PCDH9: variants seen among roughly 807,000 people sequenced by gnomAD.
PCDH9 encodes the protein protocadherin-9.
A neutral mutation model predicts 70.6 loss-of-function variants in PCDH9; 24 were observed. The ratio of observed to expected loss-of-function variants is 0.34; its 90% confidence interval spans 0.25 to 0.48. The LOEUF is 0.48. PCDH9 is among the 20% of genes least tolerant of loss of function. PCDH9 has a pLI of 0.99. For missense variants in PCDH9, 1,281 were observed against 1,503.6 expected (o/e 0.85, Z 2.45); for synonymous variants, 562 against 558.5 (o/e 1.01, Z -0.09).
At chr13:66,422,628 C>T (rs1957587520) in intron 4 of PCDH9, among the ~76,000 whole-genome samples, 1 of 152,070 alleles carries the variant, frequency 6.6e-6, no homozygotes, top group Admixed American at 6.5e-5. Context: ...ACACAATGTT[C>T]CAGAATCTCT....
At chr13:66,646,356 C>T (rs554527463) in intron 3 of PCDH9, among the ~76,000 whole-genome samples, 82 of 152,198 alleles carry the variant, frequency 5.4e-4, no homozygotes, top group Admixed American at 1.8e-3. Flanking sequence ...AAATTATTAT[C>T]AAAATCATAC....
intron 4 of PCDH9, among the ~76,000 whole-genome samples, chr13:66,537,564 A>G (rs1960762793): frequency 6.6e-6 from 1 of 151,988 alleles, no homozygotes; most frequent in Non-Finnish European, 1.5e-5. Context: ...GAAGAATAAA[A>G]GAAATCCTGC....
intron 3 of PCDH9, among the ~76,000 whole-genome samples, chr13:66,819,963 T>A (rs2080681005): frequency 6.6e-6 from 1 of 152,112 alleles, no homozygotes; most frequent in African/African-American, 2.4e-5. Flanking sequence ...TTAGAAAGGG[T>A]AACCATGATG....
chr13:67,063,933 A>G (rs1276520194), intron 2 of PCDH9, among the ~76,000 whole-genome samples: 1 of 152,184 alleles, frequency 6.6e-6, no homozygotes, highest in African/African-American at 2.4e-5. Context: ...CTATAGGAAA[A>G]TTGTAGAGAG....
intron 2 of PCDH9, among the ~76,000 whole-genome samples, chr13:66,918,699 G>T (rs1017590492): frequency 6.6e-6 from 1 of 151,036 alleles, no homozygotes; most frequent in East Asian, 1.9e-4. Flanking sequence ...TTATGATAAG[G>T]TTACTAAGTA....
At chr13:66,308,862 A>G (rs1057056545) in intron 4 of PCDH9, among the ~76,000 whole-genome samples, 2 of 151,772 alleles carry the variant, frequency 1.3e-5, no homozygotes. Context: ...CAGTCTCTAG[A>G]CCGGGGCTCA....
chr13:67,204,537 A>G (rs2089293548), intron 2 of PCDH9: 1 of 152,126 alleles, frequency 6.6e-6, no homozygotes. Context: ...GTAGAAAACA[A>G]GTGCATGCTG....
intron 4 of PCDH9, among the ~76,000 whole-genome samples, chr13:66,359,496 G>C (rs1465949626): frequency 6.6e-6 from 1 of 151,900 alleles, no homozygotes; most frequent in Non-Finnish European, 1.5e-5. Flanking sequence ...AATTCAGAAT[G>C]TTCCTAAAAA....
intron 4 of PCDH9, among the ~76,000 whole-genome samples, chr13:66,560,625 T>C (rs1200880136): frequency 6.6e-6 from 1 of 152,224 alleles, no homozygotes. Flanking sequence ...GTTGTCATAG[T>C]AGGTAATTTT....
intron 4 of PCDH9, among the ~76,000 whole-genome samples, chr13:66,370,469 C>G (rs1158653103): frequency 2.0e-5 from 3 of 149,692 alleles, no homozygotes; most frequent in Admixed American, 6.7e-5. Flanking sequence ...CGTTTTGTTT[C>G]TTTGTTTGTT....
chr13:67,022,810 A>G (rs1318241080), intron 2 of PCDH9, among the ~76,000 whole-genome samples: 1 of 152,126 alleles, frequency 6.6e-6, no homozygotes, highest in Non-Finnish European at 1.5e-5. Flanking sequence ...AAAAAAAAAG[A>G]GTATTGCTTA....
intron 3 of PCDH9, among the ~76,000 whole-genome samples, chr13:66,740,431 C>T (rs1270596207): frequency 9.3e-6 from 1 of 107,160 alleles, no homozygotes. Flanking sequence ...ATTAAAAGAA[C>T]TAGAAAAGCA....
chr13:66,341,898 C>A (rs996032491), intron 4 of PCDH9, among the ~76,000 whole-genome samples: 2 of 152,132 alleles, frequency 1.3e-5, no homozygotes, highest in African/African-American at 4.8e-5. Context: ...TACTTACGTG[C>A]ACTTTGCTAG....
At chr13:67,145,221 T>G (rs996257774) in intron 2 of PCDH9, among the ~76,000 whole-genome samples, 6 of 152,078 alleles carry the variant, frequency 3.9e-5, no homozygotes, top group African/African-American at 1.4e-4. Flanking sequence ...GAAGCTGTCT[T>G]TGTATGACTG....
chr13:67,186,866 G>A (rs969687362), intron 2 of PCDH9, among the ~76,000 whole-genome samples: 2 of 151,966 alleles, frequency 1.3e-5, no homozygotes, highest in South Asian at 4.1e-4. Flanking sequence ...GCTTTATAAG[G>A]CTCAGCTGTT....
At chr13:67,009,709 T>C (rs1250459722) in intron 2 of PCDH9, among the ~76,000 whole-genome samples, 1 of 152,078 alleles carries the variant, frequency 6.6e-6, no homozygotes, top group East Asian at 1.9e-4. Context: ...ACTAAACGGA[T>C]CTAACTCTTT....
chr13:66,590,886 T>C (rs2077030722), intron 4 of PCDH9, among the ~76,000 whole-genome samples: 1 of 151,782 alleles, frequency 6.6e-6, no homozygotes, highest in Non-Finnish European at 1.5e-5. Flanking sequence ...TATATAACAA[T>C]AGCATATATA....
chr13:66,594,951 A>G (rs1472641068), intron 4 of PCDH9, among the ~76,000 whole-genome samples: 2 of 151,358 alleles, frequency 1.3e-5, no homozygotes, highest in African/African-American at 4.8e-5. Context: ...AAGTAACGGA[A>G]GAGCTACTCC....
In PCDH9 at chr13:66,420,731, C is replaced by T. The variant is rs577893266; in HGVS notation, c.3341-115703G>A. On this transcript the variant is annotated intron_variant, in intron 4 of 4. Transcript: ENST00000377865. ...ATAAATCCATGAAGATGAGGAAAAA[C>T]CAGCACAAAAAGCTGAAAATTCCAA... Among the ~76,000 whole-genome samples the T allele has an allele frequency of 5.7e-4, 87 of 152,194 alleles. 1 individual carries two copies. The highest frequency in any genetic ancestry group is 1.0e-3 in the Non-Finnish European group (71 of 68,010).
Sources: allele counts gnomAD v4.1 joint callset (sites outside exome capture counted in the v4.1 genomes callset), GRCh38; gene constraint gnomAD v4.1.1; transcripts MANE v1.5; gene names NCBI Gene and HGNC (gene_info 2026-07-23, HGNC 2026-07-21).